The following TUSC3 variants were observed in gnomAD, a reference collection of about 807,000 sequenced individuals.
The protein encoded by TUSC3 is tumor suppressor candidate 3.
In TUSC3, 45 loss-of-function variants were observed where a neutral mutation model predicts 44.8. The ratio of observed to expected loss-of-function variants is 1.00; its 90% CI spans 0.79 to 1.29. The LOEUF (loss-of-function observed/expected upper bound fraction) is 1.29, where lower values mean the gene tolerates loss of function less well. TUSC3 is among the 50% of genes most tolerant of loss of function. The pLI, the probability that TUSC3 is intolerant of heterozygous loss-of-function variation, is 0.00. For synonymous variants in TUSC3, 212 were observed against 152.9 expected (o/e 1.39, Z -2.85); for missense variants, 519 against 437.9 (o/e 1.19, Z -1.65).
At chr8:15,605,301 T>C (rs1436139946) in intron 1 of TUSC3, among the ~76,000 whole-genome samples, 3 of 151,918 alleles carry the variant, frequency 2.0e-5, no homozygotes, top group African/African-American at 4.8e-5. Context: ...TAGTCACTCT[T>C]TTTTTGCATG....
At chr8:15,783,066 G>T in the TUSC3 span, among the ~76,000 whole-genome samples, 1 of 152,062 alleles carries the variant, frequency 6.6e-6, no homozygotes, top group African/African-American at 2.4e-5. Flanking sequence ...CACTAACAAT[G>T]AACTATCTGA....
the TUSC3 span, among the ~76,000 whole-genome samples, chr8:15,834,354 C>T: frequency 6.6e-6 from 1 of 152,074 alleles, no homozygotes; most frequent in African/African-American, 2.4e-5. Context: ...ATTTCTTTCT[C>T]TTGTCTCATT....
chr8:15,849,475 G>T, the TUSC3 span, among the ~76,000 whole-genome samples: 1 of 152,022 alleles, frequency 6.6e-6, no homozygotes, highest in Non-Finnish European at 1.5e-5. Context: ...TTAAGCTCTG[G>T]GGAAAAGTAT....
intron 1 of TUSC3, among the ~76,000 whole-genome samples, chr8:15,437,877 G>A (rs771111056): frequency 6.6e-6 from 1 of 152,148 alleles, no homozygotes; most frequent in Non-Finnish European, 1.5e-5. Flanking sequence ...TGTATAAAAT[G>A]AATGCACCCT....
intron 1 of TUSC3, among the ~76,000 whole-genome samples, chr8:15,563,698 A>G (rs1802563814): frequency 6.6e-6 from 1 of 151,182 alleles, no homozygotes; most frequent in African/African-American, 2.4e-5. Context: ...AAAAAAAAAA[A>G]AAAAAAAGAA....
intron 7 of TUSC3, among the ~76,000 whole-genome samples, chr8:15,742,539 T>G (rs548658817): frequency 6.6e-6 from 1 of 152,264 alleles, no homozygotes; most frequent in Non-Finnish European, 1.5e-5. Context: ...GAATTTTCTC[T>G]GACCTCCTCC....
intron 6 of TUSC3, among the ~76,000 whole-genome samples, chr8:15,724,637 T>G (rs1306275493): frequency 6.6e-6 from 1 of 152,200 alleles, no homozygotes; most frequent in Admixed American, 6.5e-5. Context: ...GCTAAACAGT[T>G]GAGAGATTAT....
In TUSC3 at chr8:15,705,109, C is replaced by G. The variant is rs1460538024; in HGVS notation, c.799-25557C>G. 2.0e-5 allele frequency among the ~76,000 whole-genome samples: 3 copies of G among 150,310 alleles called. No homozygotes were observed. In the Admixed American group the frequency reaches 2.0e-4, roughly 10 times the overall value. ...TTCTTCAAAGATAATGTAAAATGCC[C>G]TGGGTGCATGATTTTTTTTTTCTCG... On this transcript the variant is annotated intron_variant, in intron 6 of 10. Coordinates refer to ENST00000503731, the MANE Select transcript of TUSC3 (RefSeq NM_006765.4).
At chr8:15,606,848 T>C (rs1011404592) in intron 1 of TUSC3, among the ~76,000 whole-genome samples, 9 of 152,106 alleles carry the variant, frequency 5.9e-5, no homozygotes, top group Admixed American at 5.2e-4. Flanking sequence ...ATGTTACCAA[T>C]GCATAGCCAT....
chr8:15,840,532 T>G, the TUSC3 span, among the ~76,000 whole-genome samples: 1 of 152,122 alleles, frequency 6.6e-6, no homozygotes, highest in Non-Finnish European at 1.5e-5. Flanking sequence ...TTTTAAAATG[T>G]CAATTTAGTG....
chr8:15,438,716 C>G (rs946037903), intron 1 of TUSC3, among the ~76,000 whole-genome samples: 4 of 152,162 alleles, frequency 2.6e-5, no homozygotes, highest in African/African-American at 9.7e-5. Context: ...AGTCCTTGCT[C>G]TTATATAGGA....
chr8:15,680,005 A>G (rs1008808075), intron 6 of TUSC3, among the ~76,000 whole-genome samples: 3 of 151,982 alleles, frequency 2.0e-5, no homozygotes, highest in East Asian at 1.9e-4. Flanking sequence ...GTATAGTTTG[A>G]TGTTGGGTAA....
chr8:15,627,206 T>C (rs914826694), intron 2 of TUSC3, among the ~76,000 whole-genome samples: 3 of 152,082 alleles, frequency 2.0e-5, no homozygotes, highest in African/African-American at 7.2e-5. Context: ...GAGGAGACAA[T>C]GGTAGGACCA....
chr8:15,797,028 C>G, the TUSC3 span, among the ~76,000 whole-genome samples: 4 of 152,218 alleles, frequency 2.6e-5, no homozygotes, highest in Middle Eastern at 6.8e-3. Flanking sequence ...CAGGACTTAC[C>G]CTCTCCCTAA....
chr8:15,560,698 C>T (rs1802426617), intron 1 of TUSC3, among the ~76,000 whole-genome samples: 1 of 111,766 alleles, frequency 8.9e-6, no homozygotes, highest in Non-Finnish European at 1.9e-5. Flanking sequence ...AGGCTTTGCT[C>T]ATTTCTTTTT....
chr8:15,636,941 G>A (rs897394151), intron 2 of TUSC3, among the ~76,000 whole-genome samples: 16 of 152,106 alleles, frequency 1.1e-4, no homozygotes, highest in Admixed American at 9.2e-4. Context: ...TGCCGATCCA[G>A]TTTTCTTACT....
the TUSC3 span, among the ~76,000 whole-genome samples, chr8:15,776,755 A>G: frequency 6.6e-6 from 1 of 152,104 alleles, no homozygotes; most frequent in African/African-American, 2.4e-5. Flanking sequence ...CTACCATCAC[A>G]AAGTATTCTT....
intron 6 of TUSC3, among the ~76,000 whole-genome samples, chr8:15,676,095 T>G (rs762040694): frequency 6.6e-6 from 1 of 152,200 alleles, no homozygotes; most frequent in African/African-American, 2.4e-5. Flanking sequence ...CCAGCATCTA[T>G]TATGTTTTGA....
the TUSC3 span, among the ~76,000 whole-genome samples, chr8:15,832,377 A>G: frequency 4.6e-5 from 7 of 152,166 alleles, no homozygotes; most frequent in African/African-American, 1.7e-4. Flanking sequence ...CCACACAAAC[A>G]AGTCTGCATA....
Sources: gnomAD v4.1 joint callset for allele counts (sites outside exome capture counted in the v4.1 genomes callset) on GRCh38, gnomAD v4.1.1 for gene constraint, MANE v1.5 for transcripts, NCBI Gene and HGNC (gene_info 2026-07-23, HGNC 2026-07-21) for gene names.